UBAC2: variants seen among roughly 807,000 people sequenced by gnomAD.
UBAC2 encodes the protein ubiquitin-associated domain-containing protein 2.
A neutral mutation model predicts 44.0 loss-of-function variants in UBAC2; 26 were observed. The ratio of observed to expected loss-of-function variants is 0.59; its 90% CI spans 0.43 to 0.82. The LOEUF (loss-of-function observed/expected upper bound fraction) is 0.82. Among genes scored for constraint, UBAC2 ranks in the 40% least tolerant of loss-of-function variants. UBAC2 has a pLI of 0.00. For synonymous variants in UBAC2, 155 were observed against 154.3 expected, an observed-to-expected ratio of 1.00 and a Z score of -0.04; for missense variants, 329 against 419.4, an observed-to-expected ratio of 0.78 and a Z score of 1.88.
Position 99,367,880 on chromosome 13 carries a change from C to A in UBAC2, c.901C>A (p.Pro301Thr), listed in dbSNP as rs777430313. The A allele has an allele frequency of 6.2e-7, 1 of 1,613,816 alleles. No individual in the cohort carries two copies. Among genetic ancestry groups the A allele is most frequent in the Non-Finnish European group, 8.5e-7 (1 of 1,179,866 alleles). Residue 301 changes from proline (P) to threonine (T), a missense_variant, in exon 8 of 9, where the codon CCC (proline) becomes ACC (threonine). Transcript: ENST00000403766. ...CGGTCGGCAGTCTGAGCCAGCAGCGCCCCCTCTAGAAGTTTCTGAGGAACA... is the reference window on the plus strand; with the variant it reads ...CGGTCGGCAGTCTGAGCCAGCAGCGACCCCTCTAGAAGTTTCTGAGGAACA... ...QGGRQSEPAA[P>T]PLEVSEEQVA...
chr13:99,360,950 G>A (rs758498785), intron 7 of UBAC2, among the ~76,000 whole-genome samples: 3 of 152,162 alleles, frequency 2.0e-5, no homozygotes, highest in East Asian at 3.8e-4. Context: ...TCGAGTGCCC[G>A]AGGTCAGCCA....
intron 1 of UBAC2, chr13:99,201,426 C>A (rs865825273): frequency 1.9e-6 from 3 of 1,613,060 alleles, no homozygotes; most frequent in African/African-American, 2.7e-5. Flanking sequence ...GTTTCTTCTT[C>A]AGTCTCCAAG....
At chr13:99,260,815 C>G (rs2043649683) in intron 4 of UBAC2, among the ~76,000 whole-genome samples, 1 of 152,094 alleles carries the variant, frequency 6.6e-6, no homozygotes, top group Non-Finnish European at 1.5e-5. Context: ...AAATGTTTCA[C>G]TTGCAAAAGA....
chr13:99,298,223 C>T (rs915439898), intron 4 of UBAC2, among the ~76,000 whole-genome samples: 1 of 152,128 alleles, frequency 6.6e-6, no homozygotes, highest in Non-Finnish European at 1.5e-5. Flanking sequence ...GTACTGAAGA[C>T]ACATGAGCAT....
Position 99,243,321 on chromosome 13 carries a change from A to G in UBAC2, c.160-511A>G, listed in dbSNP as rs571971017. 5.3e-5 allele frequency among the ~76,000 whole-genome samples: 8 copies of G among 149,914 alleles called. No homozygotes were observed. In the South Asian group the frequency reaches 1.0e-3, roughly 20 times the overall value. On this transcript the variant is annotated intron_variant, in intron 2 of 8. Transcript: ENST00000403766. ...GTGAAACAATGATTTAAATAAACTAATATTTCAAACCTAGTCATATTTAGC... is the reference window on the plus strand; with the variant it reads ...GTGAAACAATGATTTAAATAAACTAGTATTTCAAACCTAGTCATATTTAGC...
intron 4 of UBAC2, among the ~76,000 whole-genome samples, chr13:99,313,585 A>T (rs1354045816): frequency 6.6e-6 from 1 of 152,160 alleles, no homozygotes; most frequent in Non-Finnish European, 1.5e-5. Flanking sequence ...TGGAGAAGCC[A>T]GAAGAGTGGT....
chr13:99,233,825 A>G (rs1005504653), intron 1 of UBAC2, among the ~76,000 whole-genome samples: 10 of 152,180 alleles, frequency 6.6e-5, no homozygotes, highest in African/African-American at 2.4e-4. Context: ...AGAAAAAAAA[A>G]GGCAGTGTTT....
Position 99,340,334 on chromosome 13 carries a change from C to G in UBAC2, c.576C>G (p.Cys192Trp). 1 of 1,613,862 alleles carries G rather than the reference C, an allele frequency of 6.2e-7. No homozygotes were observed. The highest frequency in any genetic ancestry group is 2.2e-5 in the East Asian group (1 of 44,878). ...TTTTCTTCTAGATGTCCGGTCTGTG[C>G]TACGACAGCAAAATGTTCCAGGTGC... Reference protein sequence around the residue: ...VAISGLMSGLCYDSKMFQVHQ... With the variant: ...VAISGLMSGLWYDSKMFQVHQ... Residue 192 changes from cysteine to tryptophan, a missense_variant, in exon 7 of 9, where the codon TGC (cysteine) becomes TGG (tryptophan). Cys to Trp is a radical substitution (Grantham distance 215). Transcript: ENST00000403766.
chr13:99,288,431 T>G (rs902400443), intron 4 of UBAC2, among the ~76,000 whole-genome samples: 2 of 152,188 alleles, frequency 1.3e-5, no homozygotes, highest in Non-Finnish European at 2.9e-5. Flanking sequence ...AGCTTTAAAA[T>G]TTTTGAGGAA....
At chr13:99,364,475 G>T (rs961240614) in intron 7 of UBAC2, among the ~76,000 whole-genome samples, 1 of 151,254 alleles carries the variant, frequency 6.6e-6, no homozygotes, top group African/African-American at 2.4e-5. Context: ...AATTTTTCTT[G>T]CTCATAATGG....
chr13:99,375,946 G>A (rs2045474490), intron 8 of UBAC2, among the ~76,000 whole-genome samples: 1 of 150,026 alleles, frequency 6.7e-6, no homozygotes, highest in African/African-American at 2.5e-5. Context: ...TGGGACTACA[G>A]GCACATGCCA....
intron 4 of UBAC2, among the ~76,000 whole-genome samples, chr13:99,279,875 C>T (rs2043930388): frequency 6.6e-6 from 1 of 152,190 alleles, no homozygotes; most frequent in Admixed American, 6.5e-5. Flanking sequence ...CTCCTAAGAG[C>T]ATCACACTGG....
intron 4 of UBAC2, chr13:99,255,842 C>T: frequency 1.9e-6 from 3 of 1,597,780 alleles, no homozygotes; most frequent in Non-Finnish European, 2.6e-6. Flanking sequence ...TTAAAAGGGA[C>T]AGGTTGATCT....
chr13:99,230,773 G>A (rs1426400115), intron 1 of UBAC2, among the ~76,000 whole-genome samples: 3 of 152,044 alleles, frequency 2.0e-5, no homozygotes, highest in South Asian at 2.1e-4. Context: ...CTTGTGGGCC[G>A]GTTGCAGCGG....
At chr13:99,274,619 C>A (rs987976652) in intron 4 of UBAC2, among the ~76,000 whole-genome samples, 3 of 152,144 alleles carry the variant, frequency 2.0e-5, no homozygotes, top group African/African-American at 7.2e-5. Context: ...AGGCACGTGC[C>A]TGGCCTCATA....
chr13:99,292,892 G>C (rs142965224), intron 4 of UBAC2, among the ~76,000 whole-genome samples: 16 of 152,254 alleles, frequency 1.1e-4, no homozygotes, highest in African/African-American at 3.9e-4. Flanking sequence ...GTCATGTTCT[G>C]TAACAGAATA....
intron 1 of UBAC2, among the ~76,000 whole-genome samples, chr13:99,213,103 T>A (rs1409859765): frequency 6.6e-6 from 1 of 152,334 alleles, no homozygotes; most frequent in Middle Eastern, 3.4e-3. Flanking sequence ...TATATACATA[T>A]ACATATACCT....
At chr13:99,338,084 G>A (rs1172942649) in intron 6 of UBAC2, among the ~76,000 whole-genome samples, 1 of 76,090 alleles carries the variant, frequency 1.3e-5, no homozygotes, top group East Asian at 4.4e-4. Context: ...TTGAGACAGA[G>A]TCTCACTGTG....
chr13:99,363,187 TG>T (rs2045288321), intron 7 of UBAC2, among the ~76,000 whole-genome samples: 1 of 152,234 alleles, frequency 6.6e-6, no homozygotes, highest in Non-Finnish European at 1.5e-5. Flanking sequence ...CTCTGTCTTC[TG>T]TTTGGATTTT....
Sources: allele counts gnomAD v4.1 joint callset (sites outside exome capture counted in the v4.1 genomes callset), GRCh38; gene constraint gnomAD v4.1.1; transcripts MANE v1.5; gene names NCBI Gene and HGNC (gene_info 2026-07-23, HGNC 2026-07-21).